Variants in PROZ observed in about 807,000 individuals in gnomAD.
PROZ encodes vitamin K-dependent protein Z.
PROZ carries 46 observed loss-of-function variants against 34.9 expected under a neutral mutation model. That is an observed-to-expected ratio of 1.32 (90% confidence interval 1.04 to 1.69). The LOEUF is 1.69. Ranked by LOEUF, PROZ falls within the 40% of genes most tolerant of loss-of-function variation. PROZ has a pLI of 0.00. For missense variants in PROZ, 530 were observed against 520.4 expected (o/e 1.02, Z -0.18); for synonymous variants, 195 against 208.5 (o/e 0.94, Z 0.56).
chr13:113,170,806 T>C lies in PROZ; in HGVS notation c.691+276T>C, dbSNP rs559366136. On this transcript the variant is annotated intron_variant, in intron 7 of 7. Transcript: ENST00000375547. ...TTCATTTCCCACTGAAATTGAGCAGTTGTGGCATAAGAGATGGATAATTGG... is the reference window on the plus strand; with the variant it reads ...TTCATTTCCCACTGAAATTGAGCAGCTGTGGCATAAGAGATGGATAATTGG... Among the ~76,000 whole-genome samples the C allele has an allele frequency of 4.6e-5, 7 of 152,138 alleles. No homozygotes were observed. In the South Asian group the frequency reaches 1.2e-3, roughly 27 times the overall value.
Position 113,161,049 on chromosome 13 carries a change from C to G in PROZ, c.259+77C>G. The G allele has an allele frequency of 2.3e-6, 3 of 1,299,352 alleles. No homozygotes were observed. In the South Asian group the frequency reaches 3.5e-5, roughly 15 times the overall value. 80.5% of individuals were successfully genotyped at this position (1,299,352 alleles called of 1,614,324 possible). On this transcript the variant is annotated intron_variant, in intron 3 of 7. Coordinates refer to ENST00000375547, the MANE Select transcript of PROZ (RefSeq NM_003891.3). The stretch of plus-strand genomic sequence containing the variant: ...GCGTGGGTGGGCTTAGGACGCTTCA[C>G]GACCCCAGCTCAGCGGATGCCAAGC...
intron 6 of PROZ, among the ~76,000 whole-genome samples, chr13:113,167,986 TCA>T (rs1389688124): frequency 1.3e-5 from 2 of 152,150 alleles, no homozygotes; most frequent in African/African-American, 4.8e-5. Context: ...CTTTACCCTA[TCA>T]CAGTCCACTC....
intron 6 of PROZ, among the ~76,000 whole-genome samples, chr13:113,169,784 C>T (rs939794740): frequency 2.0e-5 from 3 of 152,242 alleles, no homozygotes; most frequent in African/African-American, 7.2e-5. Context: ...CCCTCTCACA[C>T]TCTTGGGTGG....
chr13:113,170,119 A>AT, intron 6 of PROZ, among the ~76,000 whole-genome samples: 1 of 152,112 alleles, frequency 6.6e-6, no homozygotes, highest in Non-Finnish European at 1.5e-5. Context: ...GATTTTGTCA[A>AT]TTTTTTGCTT....
chr13:113,160,177 T>A lies in PROZ; in HGVS notation c.234T>A (p.Thr78=), dbSNP rs1218709607. ...AREVFENEVV[T]DEFWRRYKGG... The stretch of plus-strand genomic sequence containing the variant: ...AAGTGTTTGAAAATGAAGTAGTCAC[T>A]GTATGTACCCCCACCACAAACCACA... Residue 78 remains threonine (T), a splice_region_variant and synonymous_variant, in exon 2 of 8, where the codon ACT becomes ACA. Transcript: ENST00000375547. The A allele has an allele frequency of 6.2e-7, 1 of 1,614,074 alleles. No homozygotes were observed. Among genetic ancestry groups the A allele is most frequent in the Non-Finnish European group, 8.5e-7 (1 of 1,180,000 alleles).
In PROZ at chr13:113,160,157, T is replaced by G. The variant is rs2036736680; in HGVS notation, c.214T>G (p.Phe72Val). ...ICVYEEAREVFENEVVTDEFW... is the reference protein window; with the variant it reads ...ICVYEEAREVVENEVVTDEFW... Reference sequence around the variant, plus strand: ...TGTCTATGAAGAAGCAAGAGAAGTGTTTGAAAATGAAGTAGTCACTGTATG... The same window carrying G: ...TGTCTATGAAGAAGCAAGAGAAGTGGTTGAAAATGAAGTAGTCACTGTATG... The change falls in exon 2 of 8, where the codon TTT (phenylalanine) becomes GTT (valine). Residue 72 changes from phenylalanine to valine, a missense_variant. Physicochemically the swap from Phe to Val is conservative, Grantham distance 50. Coordinates refer to ENST00000375547, the MANE Select transcript of PROZ (RefSeq NM_003891.3). The G allele has an allele frequency of 6.2e-7, 1 of 1,613,982 alleles. No individual in the cohort carries two copies. Among genetic ancestry groups the G allele is most frequent in the Non-Finnish European group, 8.5e-7 (1 of 1,180,030 alleles).
intron 5 of PROZ, 168 bp from the exon 6 acceptor site, chr13:113,164,885 C>A: frequency 1.1e-6 from 1 of 948,020 alleles, no homozygotes; most frequent in Non-Finnish European, 1.6e-6. Flanking sequence ...GGTGGTTTAA[C>A]TCCAGTCTGT....
At position 113,171,664 on chromosome 13, in the gene PROZ, C is replaced by T. The variant is rs939103076; in HGVS notation, c.762C>T (p.Asp254=). ...ITHVHVHMRY[D]ADAGENDLSL... ...ACGTCCATGTGCACATGCGGTATGA[C>T]GCGGACGCGGGGGAGAATGACCTGT... Residue 254 remains aspartate (D), a synonymous_variant, in exon 8 of 8, where the codon GAC becomes GAT. Transcript: ENST00000375547. This position sits in a 1 kb window ranked among gnomAD's most constrained non-coding sequence, Gnocchi z 5.1. 1.1e-5 allele frequency: 17 copies of T among 1,613,952 alleles called. No individual in the cohort carries two copies. Among genetic ancestry groups the T allele is most frequent in the African/African-American group, 5.3e-5 (4 of 74,946 alleles).
chr13:113,161,802 T>C (rs373289682), intron 3 of PROZ, among the ~76,000 whole-genome samples: 506 of 18,288 alleles, frequency 0.028, 2 homozygotes, highest in Middle Eastern at 0.08. Context: ...TGCCACCTCC[T>C]CACATCCTCC....
In PROZ at chr13:113,161,021, G is replaced by A. The variant is rs3024779; in HGVS notation, c.259+49G>A. 6.8e-3 allele frequency: 10,482 copies of A among 1,541,854 alleles called. 45 individuals carry two copies. Among genetic ancestry groups the A allele is most frequent in the Non-Finnish European group, 8.8e-3 (9,837 of 1,115,520 alleles). Reference sequence around the variant, plus strand: ...CAGAAGTATTAATTCCTCGGGATGAGGTGCGTGGGTGGGCTTAGGACGCTT... The same window carrying A: ...CAGAAGTATTAATTCCTCGGGATGAAGTGCGTGGGTGGGCTTAGGACGCTT... On this transcript the variant is annotated intron_variant, in intron 3 of 7. Transcript: ENST00000375547.
chr13:113,169,384 C>G lies in PROZ; in HGVS notation c.574-1029C>G, dbSNP rs2037042307. 7.2e-5 allele frequency among the ~76,000 whole-genome samples: 11 copies of G among 152,246 alleles called. No individual in the cohort carries two copies. In the South Asian group the frequency reaches 2.3e-3, roughly 32 times the overall value. ...ACAGTTACAATCACTGTTTAATTGTCCTTGTCTACTAATATCTGTCAGTGC... is the reference window on the plus strand; with the variant it reads ...ACAGTTACAATCACTGTTTAATTGTGCTTGTCTACTAATATCTGTCAGTGC... On this transcript the variant is annotated intron_variant, in intron 6 of 7. Coordinates refer to ENST00000375547, the MANE Select transcript of PROZ (RefSeq NM_003891.3).
rs759335332 is a variant in PROZ, at chr13:113,165,080, C to G, written c.533C>G (p.Ser178Cys). 9 of 1,613,052 alleles carry G rather than the reference C, an allele frequency of 5.6e-6. No individual in the cohort carries two copies. The East Asian group carries it at 2.0e-4, about 36-fold the overall frequency. The change falls in exon 6 of 8, where the codon TCT (serine) becomes TGT (cysteine). Residue 178 changes from serine (S) to cysteine (C), a missense_variant. Coordinates refer to ENST00000375547, the MANE Select transcript of PROZ (RefSeq NM_003891.3). The stretch of plus-strand genomic sequence containing the variant: ...CAGTGTGCCTGCGGGGTGCTGACCT[C>G]TGAGAAGCGTGCACCGGATCTACAG... The part of the protein sequence containing the change: ...HDQCACGVLT[S>C]EKRAPDLQDL...
rs557165771 is a variant in PROZ at position 113,172,324 on chromosome 13, C to A, written c.*219C>A. On this transcript the variant is annotated 3_prime_UTR_variant, in exon 8 of 8. Transcript: ENST00000375547. ...CTGGAACTCTTTATCTCAATAGAGA[C>A]CTTAAAAGAAAACATGAGATACGTT... 18 of 604,022 alleles carry A rather than the reference C, an allele frequency of 3.0e-5. No homozygotes were observed. Among genetic ancestry groups the A allele is most frequent in the African/African-American group, 2.8e-4 (15 of 53,962 alleles). The allele number at this position is 604,022 out of a possible 1,614,324, so 37.4% of individuals were successfully genotyped here.
In PROZ at chr13:113,163,078, C is replaced by A. The variant is rs760704828; in HGVS notation, c.329C>A (p.Thr110Asn). The stretch of plus-strand genomic sequence containing the variant: ...TGCCAGGACAGCATCTGGGGCTACA[C>A]CTGCACCTGCTCCCCCGGCTATGAG... ...GSCQDSIWGYTCTCSPGYEGS... is the reference protein window; with the variant it reads ...GSCQDSIWGYNCTCSPGYEGS... Residue 110 changes from threonine to asparagine, a missense_variant, in exon 4 of 8, where the codon ACC (threonine) becomes AAC (asparagine). By Grantham distance (65) the Thr-to-Asn change is moderately conservative (BLOSUM62 0). Coordinates refer to ENST00000375547, the MANE Select transcript of PROZ (RefSeq NM_003891.3). 1.3e-6 allele frequency: 2 copies of A among 1,560,636 alleles called. No homozygotes were observed. The highest frequency in any genetic ancestry group is 2.7e-5 in the African/African-American group (2 of 73,616).
intron 2 of PROZ, among the ~76,000 whole-genome samples, 180 bp downstream of exon 2, chr13:113,160,357 T>C (rs1352378341): frequency 6.6e-6 from 1 of 152,100 alleles, no homozygotes; most frequent in Non-Finnish European, 1.5e-5. Flanking sequence ...AATCCACCTT[T>C]CCCTACAGCA....
At chr13:113,160,846 G>C in intron 2 of PROZ, 102 bp from the exon 3 acceptor site, 1 of 1,036,124 alleles carries the variant, frequency 9.7e-7, no homozygotes, top group Non-Finnish European at 1.5e-6. Context: ...GTCCTATTAA[G>C]TGAATAAAAT....
At chr13:113,170,770 A>G (rs529363973) in intron 7 of PROZ, among the ~76,000 whole-genome samples, 3 of 152,170 alleles carry the variant, frequency 2.0e-5, no homozygotes, top group African/African-American at 7.2e-5. Flanking sequence ...CACAGCCTAC[A>G]TAAGGATGAC....
At chr13:113,160,572 T>C (rs563491093) in intron 2 of PROZ, among the ~76,000 whole-genome samples, 3 of 152,340 alleles carry the variant, frequency 2.0e-5, no homozygotes, top group Non-Finnish European at 2.9e-5. Flanking sequence ...CAACTCGGTT[T>C]ATAAAAAGCG....
In PROZ at chr13:113,164,641, C is replaced by A; in HGVS notation, c.502C>A (p.His168Asn). 6.2e-7 allele frequency: 1 copy of A among 1,613,636 alleles called. No individual in the cohort carries two copies. The highest frequency in any genetic ancestry group is 8.5e-7 in the Non-Finnish European group (1 of 1,179,972). Reference sequence around the variant, plus strand: ...TGAGGACCACAAACAGTGTGTGCCCCACGGTGAGTGCTCAGACCACAGCGG... The same window carrying A: ...TGAGGACCACAAACAGTGTGTGCCCAACGGTGAGTGCTCAGACCACAGCGG... ...LGEDHKQCVP[H>N]DQCACGVLTS... Residue 168 changes from histidine (H) to asparagine (N), a missense_variant, in exon 5 of 8, where the codon CAC becomes AAC. Transcript: ENST00000375547.
Sources: gnomAD v4.1 joint callset for allele counts (sites outside exome capture counted in the v4.1 genomes callset) on GRCh38, gnomAD v4.1.1 for gene constraint, Gnocchi (gnomAD v3.1) non-coding constraint, MANE v1.5 for transcripts, NCBI Gene and HGNC (gene_info 2026-07-23, HGNC 2026-07-21) for gene names.